GSKIP: variants seen among roughly 807,000 people sequenced by gnomAD.
GSKIP encodes GSK3B-interacting protein.
In GSKIP, 5 loss-of-function variants were observed where a neutral mutation model predicts 11.9. That is an observed-to-expected ratio of 0.42 (90% CI 0.22 to 0.89). The LOEUF is 0.89. Ranked by LOEUF, GSKIP falls within the 40% of genes least tolerant of loss-of-function variation. The probability of loss-of-function intolerance (pLI) is 0.29; values close to 1 mark genes in which losing one functional copy is unlikely to be tolerated. For synonymous variants in GSKIP, 70 were observed against 62.9 expected (o/e 1.11, Z -0.54); for missense variants, 150 against 166.6 (o/e 0.90, Z 0.55).
chr14:96,378,534 C>G (rs761829923), intron 1 of GSKIP, among the ~76,000 whole-genome samples: 1 of 152,174 alleles, frequency 6.6e-6, no homozygotes. Flanking sequence ...GACTTCTCAT[C>G]TCCAGAACTG....
chr14:96,378,595 T>C (rs75556136), intron 1 of GSKIP, among the ~76,000 whole-genome samples: 4,199 of 152,314 alleles, frequency 0.028, 213 homozygotes, highest in African/African-American at 0.095. Context: ...TAATTTATTA[T>C]AGTAGCAATA....
At chr14:96,385,287 G>T (rs781258484) in intron 3 of GSKIP, among the ~76,000 whole-genome samples, 2 of 152,080 alleles carry the variant, frequency 1.3e-5, no homozygotes, top group South Asian at 2.1e-4. Context: ...GCATTTTAGT[G>T]GTGTTTCTGT....
At chr14:96,375,331 C>G (rs1404994419) in intron 1 of GSKIP, among the ~76,000 whole-genome samples, 1 of 152,062 alleles carries the variant, frequency 6.6e-6, no homozygotes, top group East Asian at 1.9e-4. Context: ...TTACAGTAAT[C>G]AAATGTAAGT....
chr14:96,373,245 AAAAAAAAG>A (rs1229259504), intron 1 of GSKIP, among the ~76,000 whole-genome samples: 3 of 151,344 alleles, frequency 2.0e-5, no homozygotes, highest in African/African-American at 7.3e-5. Flanking sequence ...AAAAAAAAAA[AAAAAAAAG>A]AAAGGAGGAT....
intron 1 of GSKIP, among the ~76,000 whole-genome samples, chr14:96,373,325 TG>T (rs1333497642): frequency 5.3e-5 from 8 of 152,002 alleles, no homozygotes; most frequent in Non-Finnish European, 1.2e-4. Context: ...CTCATTTCTT[TG>T]GAGACTAAGT....
Position 96,382,259 on chromosome 14 carries a change from C to G in GSKIP, c.12C>G (p.Asp4Glu). The G allele has an allele frequency of 6.3e-7, 1 of 1,588,294 alleles. No homozygotes were observed. ...TTTTTTTTTACAGAATGGAAACAGACTGTAATCCCATGGAGCTAAGCAGTA... is the reference window on the plus strand; with the variant it reads ...TTTTTTTTTACAGAATGGAAACAGAGTGTAATCCCATGGAGCTAAGCAGTA... MET[D>E]CNPMELSSMS... Residue 4 changes from aspartate to glutamate, a missense_variant, in exon 3 of 4, where the codon GAC (aspartate) becomes GAG (glutamate). Physicochemically the swap from Asp to Glu is conservative, Grantham distance 45. Coordinates refer to ENST00000555181, the MANE Select transcript of GSKIP (RefSeq NM_016472.5).
At position 96,382,376 on chromosome 14, in the gene GSKIP, T is replaced by C. The variant is rs779730734; in HGVS notation, c.129T>C (p.Asp43=). 6.2e-7 allele frequency: 1 copy of C among 1,614,104 alleles called. No homozygotes were observed. Among genetic ancestry groups the C allele is most frequent in the Non-Finnish European group, 8.5e-7 (1 of 1,179,978 alleles). Residue 43 remains aspartate, a synonymous_variant, in exon 3 of 4, where the codon GAT becomes GAC. Coordinates refer to ENST00000555181, the MANE Select transcript of GSKIP (RefSeq NM_016472.5). ...MRLEAEAVVN[D]VLFAVNNMFV... ...TCGAAGCTGAAGCAGTTGTAAATGA[T>C]GTTCTCTTTGCTGTTAACAACATGT...
At chr14:96,368,841 G>A (rs953145128) in intron 1 of GSKIP, among the ~76,000 whole-genome samples, 9 of 152,134 alleles carry the variant, frequency 5.9e-5, no homozygotes, top group African/African-American at 1.9e-4. Context: ...CAGAAAATTG[G>A]TACTGAGAGT....
At chr14:96,383,848 G>A (rs1889414879) in intron 3 of GSKIP, among the ~76,000 whole-genome samples, 1 of 152,066 alleles carries the variant, frequency 6.6e-6, no homozygotes, top group South Asian at 2.1e-4. Context: ...AGTATTTAGA[G>A]GTGAATCTTA....
In GSKIP at chr14:96,365,400, G is replaced by A. The variant is rs1888851139; in HGVS notation, c.-103+1832G>A. ...AACAGCAAGTGCAACGCCCTGTCAC[G>A]GGAGAATGCTTGATGAATTTAGGGA... On this transcript the variant is annotated intron_variant, in intron 1 of 3. Transcript: ENST00000555181. 4 of 149,488 alleles carry A rather than the reference G, an allele frequency of 2.7e-5. No homozygotes were observed. The South Asian group carries it at 8.4e-4, about 31-fold the overall frequency. 9.3% of individuals were successfully genotyped at this position (149,488 alleles called of 1,614,324 possible). A position where few individuals can be genotyped will look rare whatever the true frequency, so the allele number is the denominator to read the frequency against.
chr14:96,363,572 A>T lies in GSKIP; in HGVS notation c.-103+4A>T, dbSNP rs1309183694. ...GAAGAGGACGCCGGGCGCGCAGGTG[A>T]GCGGCAGCCGGGGTGGCTGCGGGCG... On this transcript the variant is annotated splice_donor_region_variant and intron_variant, in intron 1 of 3. Coordinates refer to ENST00000555181, the MANE Select transcript of GSKIP (RefSeq NM_016472.5). 6.6e-6 allele frequency: 1 copy of T among 152,250 alleles called. No individual in the cohort carries two copies. The highest frequency in any genetic ancestry group is 2.4e-5 in the African/African-American group (1 of 41,264). The allele number at this position is 152,250 out of a possible 1,614,324, so 9.4% of individuals were successfully genotyped here. A position where few individuals can be genotyped will look rare whatever the true frequency, so the allele number is the denominator to read the frequency against.
chr14:96,366,463 G>A (rs1180140381), intron 1 of GSKIP, among the ~76,000 whole-genome samples: 2 of 152,152 alleles, frequency 1.3e-5, no homozygotes, highest in South Asian at 2.1e-4. Context: ...TTAAGGTTTA[G>A]GACCTGTCAT....
chr14:96,368,060 A>G (rs534177000), intron 1 of GSKIP, among the ~76,000 whole-genome samples: 130 of 152,210 alleles, frequency 8.5e-4, no homozygotes, highest in African/African-American at 2.9e-3. Context: ...TTATATAGAA[A>G]TAAGAAACTG....
chr14:96,371,082 T>C (rs1458063277), intron 1 of GSKIP, among the ~76,000 whole-genome samples: 1 of 152,236 alleles, frequency 6.6e-6, no homozygotes, highest in Non-Finnish European at 1.5e-5. Flanking sequence ...CTGTAAGCTA[T>C]TGAAAACAGA....
intron 1 of GSKIP, among the ~76,000 whole-genome samples, chr14:96,377,553 CTT>C (rs1266926702): frequency 6.6e-6 from 1 of 152,104 alleles, no homozygotes; most frequent in Non-Finnish European, 1.5e-5. Context: ...ATTTATATGT[CTT>C]AAATATTTTA....
At chr14:96,373,251 A>AT (rs1566743310) in intron 1 of GSKIP, among the ~76,000 whole-genome samples, 2 of 142,794 alleles carry the variant, frequency 1.4e-5, no homozygotes, top group Middle Eastern at 3.5e-3. Flanking sequence ...AAAAAAAAAA[A>AT]AGAAAGGAGG....
chr14:96,373,387 T>G (rs1889109657), intron 1 of GSKIP, among the ~76,000 whole-genome samples: 1 of 152,126 alleles, frequency 6.6e-6, no homozygotes, highest in African/African-American at 2.4e-5. Context: ...TCCAAAGTGT[T>G]GTGCCAGTTT....
chr14:96,383,962 G>A (rs1889417466), intron 3 of GSKIP, among the ~76,000 whole-genome samples: 1 of 152,150 alleles, frequency 6.6e-6, no homozygotes, highest in Non-Finnish European at 1.5e-5. Flanking sequence ...TGATCAGAGA[G>A]TCAGCAGTCT....
intron 1 of GSKIP, among the ~76,000 whole-genome samples, chr14:96,370,424 G>C (rs1395977919): frequency 6.7e-6 from 1 of 149,958 alleles, no homozygotes; most frequent in Non-Finnish European, 1.5e-5. Flanking sequence ...CAAGTCTCTT[G>C]TCAAAATATG....
Sources: gnomAD v4.1 joint callset for allele counts (sites outside exome capture counted in the v4.1 genomes callset) on GRCh38, gnomAD v4.1.1 for gene constraint, MANE v1.5 for transcripts, NCBI Gene and HGNC (gene_info 2026-07-23, HGNC 2026-07-21) for gene names.